Variants in COQ10B observed in about 807,000 individuals in gnomAD.
The protein encoded by COQ10B is coenzyme Q-binding protein COQ10 homolog B, mitochondrial.
Under a neutral mutation model 27.6 loss-of-function variants are expected in COQ10B, and 12 were observed. The ratio of observed to expected loss-of-function variants is 0.43; its 90% CI spans 0.28 to 0.70. The LOEUF is 0.70. COQ10B is among the 30% of genes least tolerant of loss of function. COQ10B has a pLI of 0.17. For missense variants in COQ10B, 278 were observed against 288.7 expected, an observed-to-expected ratio of 0.96 and a Z score of 0.27; for synonymous variants, 115 against 103.0, an observed-to-expected ratio of 1.12 and a Z score of -0.71.
intron 1 of COQ10B, 135 bp from the exon 2 acceptor site, chr2:197,459,797 G>A: frequency 1.9e-6 from 1 of 520,190 alleles, no homozygotes. Context: ...CTGTGCCCGT[G>A]TGTGTGTATT....
At chr2:197,457,716 G>A (rs1297313511) in intron 1 of COQ10B, among the ~76,000 whole-genome samples, 3 of 151,394 alleles carry the variant, frequency 2.0e-5, no homozygotes, top group African/African-American at 7.3e-5. Context: ...CCGCGTCCCA[G>A]GTTCAAGCAT....
intron 2 of COQ10B, among the ~76,000 whole-genome samples, chr2:197,461,625 C>T (rs1174342399): frequency 9.2e-6 from 1 of 108,580 alleles, no homozygotes; most frequent in Admixed American, 1.1e-4. Flanking sequence ...TGTACAGGGT[C>T]TCAGAGAGAG....
At chr2:197,459,794 C>T (rs1345017700) in intron 1 of COQ10B, 138 bp from the exon 2 acceptor site, 6 of 514,194 alleles carry the variant, frequency 1.2e-5, no homozygotes, top group African/African-American at 8.1e-5. Flanking sequence ...TTTCTGTGCC[C>T]GTGTGTGTGT....
At chr2:197,463,200 G>A (rs528302564) in intron 3 of COQ10B, among the ~76,000 whole-genome samples, 2 of 152,228 alleles carry the variant, frequency 1.3e-5, no homozygotes, top group South Asian at 2.1e-4. Context: ...TAGGCATAGC[G>A]CTGTGGCTCA....
At chr2:197,466,655 TGCTAAG>T (rs1206339170) in intron 3 of COQ10B, among the ~76,000 whole-genome samples, 2 of 152,188 alleles carry the variant, frequency 1.3e-5, no homozygotes, top group Non-Finnish European at 2.9e-5. Flanking sequence ...CTTTCAGCAC[TGCTAAG>T]GGAGGGATAA....
intron 2 of COQ10B, among the ~76,000 whole-genome samples, chr2:197,461,590 TGTGTGA>T (rs1232351036): frequency 4.2e-5 from 5 of 119,734 alleles, no homozygotes; most frequent in African/African-American, 6.7e-5. Context: ...TGTGTGTGTG[TGTGTGA>T]GGGAGGGAGA....
rs1202206409 is a variant in COQ10B at position 197,474,841 on chromosome 2, T to C, written c.*917T>C. 1.4e-5 allele frequency: 2 copies of C among 140,794 alleles called. No individual in the cohort carries two copies. Among genetic ancestry groups the C allele is most frequent in the Non-Finnish European group, 3.1e-5 (2 of 65,484 alleles). 8.7% of individuals were successfully genotyped at this position (140,794 alleles called of 1,614,324 possible). ...TCTTTTTTTTTTTTTTTTTGGTGAG[T>C]GGTCCAGAGCTTTAAGCTACTTTTC... On this transcript the variant is annotated 3_prime_UTR_variant, in exon 5 of 5. Transcript: ENST00000263960.
At chr2:197,457,557 GAATCTTAA>G (rs1264402549) in intron 1 of COQ10B, among the ~76,000 whole-genome samples, 1 of 151,526 alleles carries the variant, frequency 6.6e-6, no homozygotes, top group African/African-American at 2.4e-5. Flanking sequence ...GAATATATAG[GAATCTTAA>G]AATCTTAAAA....
In COQ10B at chr2:197,459,941, T is replaced by G. The variant is rs1220926399; in HGVS notation, c.114T>G (p.Ala38=). 5 of 1,590,658 alleles carry G rather than the reference T, an allele frequency of 3.1e-6. No individual in the cohort carries two copies. Among genetic ancestry groups the G allele is most frequent in the African/African-American group, 1.4e-5 (1 of 73,534 alleles). The change falls in exon 2 of 5, where the codon GCT becomes GCG. Residue 38 remains alanine, a synonymous_variant. Transcript: ENST00000263960. Reference sequence around the variant, plus strand: ...ATTTTTGTCTTTTCAGATATTTAGCTTCCTGTGGTATACTGATGAGCAGAA... The same window carrying G: ...ATTTTTGTCTTTTCAGATATTTAGCGTCCTGTGGTATACTGATGAGCAGAA... The part of the protein sequence containing the change: ...QAPVRNGRYL[A]SCGILMSRTL...
intron 4 of COQ10B, among the ~76,000 whole-genome samples, chr2:197,472,568 C>T (rs1472255910): frequency 6.6e-6 from 1 of 152,114 alleles, no homozygotes; most frequent in African/African-American, 2.4e-5. Context: ...CTTCGCAAGG[C>T]CTAGGTGGGT....
chr2:197,459,520 G>A lies in COQ10B; in HGVS notation c.105-412G>A, dbSNP rs532025419. On this transcript the variant is annotated intron_variant, in intron 1 of 4. Coordinates refer to ENST00000263960, the MANE Select transcript of COQ10B (RefSeq NM_025147.5). ...ACCAGATGTCTGCCAAGAGATTTGAGACCTAATTTTAAGTCTCACTGGAGT... is the reference window on the plus strand; with the variant it reads ...ACCAGATGTCTGCCAAGAGATTTGAAACCTAATTTTAAGTCTCACTGGAGT... Among the ~76,000 whole-genome samples the A allele has an allele frequency of 3.3e-5, 5 of 152,258 alleles. No homozygotes were observed. The East Asian group carries it at 7.7e-4, about 23-fold the overall frequency.
chr2:197,454,246 G>C lies in COQ10B; in HGVS notation c.104+582G>C. 4 of 1,094,332 alleles carry C rather than the reference G, an allele frequency of 3.7e-6. No individual in the cohort carries two copies. In the Admixed American group the frequency reaches 9.2e-5, roughly 25 times the overall value. 67.8% of individuals were successfully genotyped at this position (1,094,332 alleles called of 1,614,324 possible). On this transcript the variant is annotated intron_variant, in intron 1 of 4. Coordinates refer to ENST00000263960, the MANE Select transcript of COQ10B (RefSeq NM_025147.5). The stretch of plus-strand genomic sequence containing the variant: ...AGCATAGTCAGCTTTCGATTTTCCT[G>C]GTTGGTTCATTTTTTGGTAGGTGGG...
chr2:197,455,851 T>C lies in COQ10B; in HGVS notation c.104+2187T>C, dbSNP rs577091242. 8.5e-5 allele frequency among the ~76,000 whole-genome samples: 13 copies of C among 152,152 alleles called. No individual in the cohort carries two copies. The East Asian group carries it at 2.3e-3, about 27-fold the overall frequency. ...GGCGCATGCCTGTGGTCCCAGCTCA[T>C]TGGGACTTGGGGTGGGAGAATCACC... On this transcript the variant is annotated intron_variant, in intron 1 of 4. Transcript: ENST00000263960.
chr2:197,468,221 A>G (rs1187669995), intron 3 of COQ10B, among the ~76,000 whole-genome samples: 1 of 152,024 alleles, frequency 6.6e-6, no homozygotes, highest in Admixed American at 6.6e-5. Context: ...CGGGGGGATC[A>G]GGAGGTCAGG....
At chr2:197,462,145 T>C (rs1347487878) in intron 2 of COQ10B, among the ~76,000 whole-genome samples, 1 of 151,568 alleles carries the variant, frequency 6.6e-6, no homozygotes, top group Non-Finnish European at 1.5e-5. Flanking sequence ...GGCACGTGCC[T>C]GGAGTCCCAG....
At position 197,474,478 on chromosome 2, in the gene COQ10B, G is replaced by A. The variant is rs984627134; in HGVS notation, c.*554G>A. 1.3e-5 allele frequency: 2 copies of A among 152,258 alleles called. No homozygotes were observed. Among genetic ancestry groups the A allele is most frequent in the African/African-American group, 4.8e-5 (2 of 41,440 alleles). 9.4% of individuals were successfully genotyped at this position (152,258 alleles called of 1,614,324 possible). Reference sequence around the variant, plus strand: ...AGGTGGGCAGATCAGTTGAGGTCAGGAGTTCTAGACCAGCCTGGTCAACAT... The same window carrying A: ...AGGTGGGCAGATCAGTTGAGGTCAGAAGTTCTAGACCAGCCTGGTCAACAT... On this transcript the variant is annotated 3_prime_UTR_variant, in exon 5 of 5. Transcript: ENST00000263960.
chr2:197,463,233 G>T (rs568380105), intron 3 of COQ10B, among the ~76,000 whole-genome samples: 3 of 152,248 alleles, frequency 2.0e-5, no homozygotes, highest in South Asian at 2.1e-4. Context: ...CAGCACTTTG[G>T]GAGGCCAAGG....
chr2:197,473,466 G>GTA (rs2085905349), intron 4 of COQ10B, among the ~76,000 whole-genome samples: 2 of 88,322 alleles, frequency 2.3e-5, no homozygotes, highest in African/African-American at 8.5e-5. Flanking sequence ...ATATATATAT[G>GTA]TATATATACA....
intron 2 of COQ10B, among the ~76,000 whole-genome samples, 181 bp downstream of exon 2, chr2:197,460,262 C>T (rs906588157): frequency 1.4e-5 from 2 of 147,494 alleles, no homozygotes; most frequent in African/African-American, 5.0e-5. Flanking sequence ...AGTGCAGTGG[C>T]GCAATCTTGG....
Sources: gnomAD v4.1 joint callset for allele counts (sites outside exome capture counted in the v4.1 genomes callset) on GRCh38, gnomAD v4.1.1 for gene constraint, MANE v1.5 for transcripts, NCBI Gene and HGNC (gene_info 2026-07-23, HGNC 2026-07-21) for gene names.